The following MAP6 variants were observed in gnomAD, a reference collection of about 807,000 sequenced individuals.
MAP6 encodes microtubule associated protein 6.
A neutral mutation model predicts 42.4 loss-of-function variants in MAP6; 26 were observed. That is an observed-to-expected ratio of 0.61 (90% CI 0.45 to 0.85). The LOEUF is 0.85. Among genes scored for constraint, MAP6 ranks in the 40% least tolerant of loss-of-function variants. The pLI is 0.00. For synonymous variants in MAP6, 418 were observed against 443.8 expected (o/e 0.94, Z 0.73); for missense variants, 966 against 1,099.0 (o/e 0.88, Z 1.71).
intron 1 of MAP6, among the ~76,000 whole-genome samples, chr11:75,649,038 C>T (rs1943606610): frequency 6.6e-6 from 1 of 152,122 alleles, no homozygotes. Flanking sequence ...TAACCCAACA[C>T]CCAACAATTT....
intron 1 of MAP6, among the ~76,000 whole-genome samples, chr11:75,610,282 T>C (rs1389608387): frequency 6.6e-6 from 1 of 152,260 alleles, no homozygotes; most frequent in East Asian, 1.9e-4. Flanking sequence ...TCAGACTCAA[T>C]GTCCCTAGAA....
intron 1 of MAP6, among the ~76,000 whole-genome samples, chr11:75,613,723 C>T (rs1383347868): frequency 6.6e-6 from 1 of 152,188 alleles, no homozygotes; most frequent in Non-Finnish European, 1.5e-5. Flanking sequence ...GGTGGGTGAA[C>T]TGCAGATGAA....
chr11:75,609,519 C>T (rs1011573646), intron 1 of MAP6, among the ~76,000 whole-genome samples: 6 of 152,224 alleles, frequency 3.9e-5, no homozygotes, highest in East Asian at 1.9e-4. Context: ...CGCAGGCTCT[C>T]GTGCTAGCAC....
At position 75,668,566 on chromosome 11, in the gene MAP6, C is replaced by G; in HGVS notation, c.-197G>C. 1.5e-6 allele frequency: 1 copy of G among 647,954 alleles called. No homozygotes were observed. The highest frequency in any genetic ancestry group is 2.2e-6 in the Non-Finnish European group (1 of 459,158). 40.1% of individuals were successfully genotyped at this position (647,954 alleles called of 1,614,324 possible). On this transcript the variant is annotated 5_prime_UTR_variant, in exon 1 of 4. Transcript: ENST00000304771. Reference sequence around the variant, plus strand: ...TGTCCTAGGAGAGTCTGTAGAGTCCCTCGATTACCGGTCGCAAACGCCTTT... The same window carrying G: ...TGTCCTAGGAGAGTCTGTAGAGTCCGTCGATTACCGGTCGCAAACGCCTTT...
intron 1 of MAP6, among the ~76,000 whole-genome samples, chr11:75,652,469 C>G (rs1163797719): frequency 5.3e-5 from 8 of 152,184 alleles, no homozygotes; most frequent in Admixed American, 2.0e-4. Context: ...AGGTCCAGCT[C>G]AGATGCCATC....
At chr11:75,663,270 C>T (rs761894259) in intron 1 of MAP6, among the ~76,000 whole-genome samples, 4 of 152,154 alleles carry the variant, frequency 2.6e-5, no homozygotes, top group Non-Finnish European at 4.4e-5. Context: ...TGAGCCACCG[C>T]GCTTGACCAG....
At chr11:75,638,156 G>C (rs1023351052) in intron 1 of MAP6, among the ~76,000 whole-genome samples, 3 of 151,888 alleles carry the variant, frequency 2.0e-5, no homozygotes, top group Non-Finnish European at 4.4e-5. Flanking sequence ...GATCTGCCCA[G>C]TGCTCTCCTC....
chr11:75,605,504 T>A, intron 3 of MAP6: 1 of 1,168,814 alleles, frequency 8.6e-7, no homozygotes. Context: ...TCGTTTCGCC[T>A]CTCAGACCTG....
intron 1 of MAP6, among the ~76,000 whole-genome samples, chr11:75,632,320 G>T (rs1943296740): frequency 1.3e-5 from 2 of 152,118 alleles, no homozygotes; most frequent in Admixed American, 6.5e-5. Flanking sequence ...AGGGGGCCAA[G>T]ATCACTTTTT....
At chr11:75,627,348 T>C (rs935583197) in intron 1 of MAP6, among the ~76,000 whole-genome samples, 5 of 152,212 alleles carry the variant, frequency 3.3e-5, no homozygotes, top group African/African-American at 1.2e-4. Context: ...GAGGGCAGTG[T>C]GCAGAGATAA....
intron 1 of MAP6, among the ~76,000 whole-genome samples, chr11:75,612,740 A>G (rs1942922567): frequency 6.6e-6 from 1 of 152,152 alleles, no homozygotes; most frequent in East Asian, 1.9e-4. Flanking sequence ...CTGTTTCTCC[A>G]TTGATGGTGC....
chr11:75,652,807 C>A (rs1000927565), intron 1 of MAP6, among the ~76,000 whole-genome samples: 31 of 149,508 alleles, frequency 2.1e-4, no homozygotes, highest in South Asian at 1.1e-3. Context: ...CCACTGCACT[C>A]TAGCCTGGGC....
intron 1 of MAP6, among the ~76,000 whole-genome samples, chr11:75,646,842 G>A (rs751548469): frequency 6.6e-6 from 1 of 152,084 alleles, no homozygotes; most frequent in Non-Finnish European, 1.5e-5. Flanking sequence ...AGTAGATATG[G>A]GGGCAAATCT....
chr11:75,629,647 T>G (rs1943253500), intron 1 of MAP6, among the ~76,000 whole-genome samples: 1 of 152,212 alleles, frequency 6.6e-6, no homozygotes, highest in African/African-American at 2.4e-5. Context: ...ATTCCACAGC[T>G]GCTATCACTT....
intron 1 of MAP6, among the ~76,000 whole-genome samples, chr11:75,638,326 T>C (rs1408786661): frequency 6.6e-6 from 1 of 152,212 alleles, no homozygotes; most frequent in Non-Finnish European, 1.5e-5. Flanking sequence ...AATGGTATCT[T>C]GATCTCCCTG....
At chr11:75,652,103 T>A (rs1433207930) in intron 1 of MAP6, among the ~76,000 whole-genome samples, 1 of 152,152 alleles carries the variant, frequency 6.6e-6, no homozygotes, top group Non-Finnish European at 1.5e-5. Context: ...ATTCAATAAT[T>A]ATTATTATAT....
chr11:75,658,663 T>C (rs767754645), intron 1 of MAP6, among the ~76,000 whole-genome samples: 30 of 152,228 alleles, frequency 2.0e-4, no homozygotes, highest in Non-Finnish European at 3.2e-4. Flanking sequence ...CTGATTCTCC[T>C]GTTGCTTATA....
In MAP6 at chr11:75,667,999, T is replaced by A; in HGVS notation, c.371A>T (p.Asp124Val). 1 of 1,242,682 alleles carries A rather than the reference T, an allele frequency of 8.0e-7. No homozygotes were observed. The highest frequency in any genetic ancestry group is 1.0e-6 in the Non-Finnish European group (1 of 992,046). 77.0% of individuals were successfully genotyped at this position (1,242,682 alleles called of 1,614,324 possible). ...SGPADSVMRQ[D>V]YRAWKVQRPE... is the part of the protein sequence containing the mutation. ...CCGCTGCACCTTCCAGGCTCGGTAA[T>A]CCTGCCGCATCACCGAGTCCGCGGG... Residue 124 changes from aspartate to valine, a missense_variant, in exon 1 of 4, where the codon GAT becomes GTT. Asp to Val is a radical substitution (Grantham distance 152). Coordinates refer to ENST00000304771, the MANE Select transcript of MAP6 (RefSeq NM_033063.2). The surrounding 1 kb of genome is among the most constrained non-coding windows in gnomAD (Gnocchi z 5.6).
At chr11:75,603,254 G>A (rs1374523819) in intron 3 of MAP6, 1 of 985,526 alleles carries the variant, frequency 1.0e-6, no homozygotes, top group Non-Finnish European at 1.2e-6. Context: ...GAAGGACGGA[G>A]AACCACAGGG....
Sources: gnomAD v4.1 joint callset for allele counts (sites outside exome capture counted in the v4.1 genomes callset) on GRCh38, gnomAD v4.1.1 for gene constraint, Gnocchi (gnomAD v3.1) non-coding constraint, MANE v1.5 for transcripts, NCBI Gene and HGNC (gene_info 2026-07-23, HGNC 2026-07-21) for gene names.